The following NAV2 variants were observed in gnomAD, a reference collection of about 807,000 sequenced individuals.
NAV2 encodes helicase, APC down-regulated 1.
Under a neutral mutation model 223.2 loss-of-function variants are expected in NAV2, and 54 were observed. The observed-to-expected ratio is 0.24, with a 90% CI of 0.19 to 0.30. NAV2 has a LOEUF of 0.30. Among genes scored for constraint, NAV2 ranks in the 10% least tolerant of loss-of-function variants. The probability of loss-of-function intolerance (pLI) is 1.00; values close to 1 mark genes in which losing one functional copy is unlikely to be tolerated. For synonymous variants in NAV2, 1,279 were observed against 1,239.3 expected, an observed-to-expected ratio of 1.03 and a Z score of -0.67; for missense variants, 2,806 against 3,147.5, an observed-to-expected ratio of 0.89 and a Z score of 2.60.
rs139647874 is a variant in NAV2, at chr11:19,432,647, G to A, written c.75+81620G>A. 1.5e-4 allele frequency among the ~76,000 whole-genome samples: 23 copies of A among 152,268 alleles called. No homozygotes were observed. The East Asian group carries it at 4.1e-3, about 27-fold the overall frequency. ...AGTGGGGGAGTGGGTGGTATGGAGAGCAGCAGAAGTCAACCAGGAAGGAGC... is the reference window on the plus strand; with the variant it reads ...AGTGGGGGAGTGGGTGGTATGGAGAACAGCAGAAGTCAACCAGGAAGGAGC... On this transcript the variant is annotated intron_variant, in intron 1 of 37. Coordinates refer to the NAV2 transcript ENST00000360655.
intron 4 of NAV2, among the ~76,000 whole-genome samples, chr11:19,870,393 C>T (rs969392486): frequency 4.6e-5 from 7 of 152,138 alleles, no homozygotes; most frequent in Non-Finnish European, 8.8e-5. Flanking sequence ...GCTTGAACTC[C>T]TGGGACAGGC....
intron 6 of NAV2, among the ~76,000 whole-genome samples, chr11:19,917,480 A>C (rs866203451): frequency 1.3e-5 from 2 of 152,080 alleles, no homozygotes; most frequent in Admixed American, 6.5e-5. Context: ...GAATTATTCT[A>C]CTAGAGACAA....
rs140731279 is a variant in NAV2 at position 19,933,336 on chromosome 11, C to A, written c.1092C>A (p.Ser364Arg). 2 of 1,611,642 alleles carry A rather than the reference C, an allele frequency of 1.2e-6. No individual in the cohort carries two copies. Among genetic ancestry groups the A allele is most frequent in the African/African-American group, 1.3e-5 (1 of 74,844 alleles). The part of the protein sequence containing the change: ...ATKPWRSKSL[S>R]VKHSATVSML... ...AGCCTTGGCGCAGCAAATCCCTCAG[C>A]GTGAAGCACAGTGCCACGGTATCCA... is the stretch of plus-strand genomic sequence containing the variant. Residue 364 changes from serine to arginine, a missense_variant, in exon 7 of 38, where the codon AGC becomes AGA. This residue lies in a region of NAV2 where 1,167 missense variants were observed against 1,180.5 expected (regional missense o/e 0.99). Coordinates refer to ENST00000349880, the MANE Select transcript of NAV2 (RefSeq NM_145117.5). This position sits in a 1 kb window ranked among gnomAD's most constrained non-coding sequence, Gnocchi z 4.3.
Position 19,784,053 on chromosome 11 carries a change from G to A in NAV2, c.268-48431G>A, listed in dbSNP as rs571434148. Among the ~76,000 whole-genome samples, 11 of 152,244 alleles carry A rather than the reference G, an allele frequency of 7.2e-5. No homozygotes were observed. In the South Asian group the frequency reaches 1.9e-3, roughly 26 times the overall value. Reference sequence around the variant, plus strand: ...AAAATATAGCAGGGTGAGAAGGATAGGGAGGAATGGTGGAGGTTACCTTTA... The same window carrying A: ...AAAATATAGCAGGGTGAGAAGGATAAGGAGGAATGGTGGAGGTTACCTTTA... On this transcript the variant is annotated intron_variant, in intron 1 of 37. Coordinates refer to ENST00000349880, the MANE Select transcript of NAV2 (RefSeq NM_145117.5).
intron 1 of NAV2, among the ~76,000 whole-genome samples, chr11:19,412,770 A>G (rs376483016): frequency 2.8e-4 from 43 of 152,182 alleles, no homozygotes; most frequent in Non-Finnish European, 5.1e-4. Context: ...TGCTGGTGAT[A>G]CCCTGGCAAA....
At chr11:19,787,062 T>C (rs1026641917) in intron 1 of NAV2, among the ~76,000 whole-genome samples, 2 of 152,044 alleles carry the variant, frequency 1.3e-5, no homozygotes, top group Non-Finnish European at 2.9e-5. Context: ...AACTGTATGA[T>C]AACCACTCTG....
chr11:19,786,823 C>A (rs187336346), intron 1 of NAV2, among the ~76,000 whole-genome samples: 1 of 152,208 alleles, frequency 6.6e-6, no homozygotes, highest in African/African-American at 2.4e-5. Flanking sequence ...TACAAATTAC[C>A]CAGCAAGAAC....
chr11:20,077,667 A>T, intron 23 of NAV2, 32 bp downstream of exon 23: 2 of 1,526,220 alleles, frequency 1.3e-6, no homozygotes, highest in Non-Finnish European at 1.8e-6. Context: ...AACCCTCCCT[A>T]CTTGGAGTTA....
chr11:19,546,259 G>A (rs2044495445), intron 1 of NAV2, among the ~76,000 whole-genome samples: 1 of 152,230 alleles, frequency 6.6e-6, no homozygotes, highest in Admixed American at 6.5e-5. Flanking sequence ...GATGGCAGAG[G>A]AGACTTGAAC....
chr11:19,592,740 G>A (rs1161277631), intron 1 of NAV2, among the ~76,000 whole-genome samples: 3 of 152,100 alleles, frequency 2.0e-5, no homozygotes, highest in African/African-American at 7.2e-5. Flanking sequence ...CTTGTATGAA[G>A]TAACAATGAA....
intron 23 of NAV2, 62 bp downstream of exon 23, chr11:20,077,697 T>A (rs1592020090): frequency 7.8e-7 from 1 of 1,283,654 alleles, no homozygotes; most frequent in African/African-American, 1.5e-5. Context: ...TTGAAAATAC[T>A]ATTCTTTCAT....
At chr11:19,628,243 T>C (rs531237180) in intron 1 of NAV2, among the ~76,000 whole-genome samples, 1 of 152,304 alleles carries the variant, frequency 6.6e-6, no homozygotes, top group South Asian at 2.1e-4. Context: ...GTGGACATTA[T>C]GTTCCTTCCC....
intron 15 of NAV2, chr11:20,049,402 G>A (rs2057761407): frequency 1.8e-6 from 1 of 562,652 alleles, no homozygotes; most frequent in Admixed American, 3.4e-5. Context: ...GGTTATTTTT[G>A]GTGCTTGGAG....
In NAV2 at chr11:20,044,061, A is replaced by G; in HGVS notation, c.2988A>G (p.Ser996=). The G allele has an allele frequency of 6.2e-7, 1 of 1,614,220 alleles. No individual in the cohort carries two copies. The highest frequency in any genetic ancestry group is 8.5e-7 in the Non-Finnish European group (1 of 1,180,030). ...GDDVKKSDGG[S]DSGIKMEPGS... ...ATGTCAAGAAATCAGACGGAGGCTC[A>G]GACAGCGGCATAAAAATGGAGCCAG... is the stretch of plus-strand genomic sequence containing the variant. Residue 996 remains serine (S), a synonymous_variant, in exon 13 of 38, where the codon TCA becomes TCG. Transcript: ENST00000349880.
chr11:19,782,743 A>G (rs2056838746), intron 1 of NAV2, among the ~76,000 whole-genome samples: 1 of 152,162 alleles, frequency 6.6e-6, no homozygotes, highest in Admixed American at 6.5e-5. Context: ...TGCTGTTTCT[A>G]ATATAAGAGC....
At chr11:19,941,291 T>G (rs2046382701) in intron 8 of NAV2, among the ~76,000 whole-genome samples, 2 of 152,030 alleles carry the variant, frequency 1.3e-5, no homozygotes, top group Non-Finnish European at 2.9e-5. Flanking sequence ...GAAGAGACTG[T>G]GCAGCCAGTA....
intron 11 of NAV2, among the ~76,000 whole-genome samples, chr11:20,027,954 C>T (rs1420310717): frequency 1.7e-4 from 26 of 152,200 alleles, no homozygotes; most frequent in Admixed American, 1.6e-3. Flanking sequence ...TTTTTTGCTT[C>T]ATGAGAGATG....
intron 11 of NAV2, among the ~76,000 whole-genome samples, chr11:19,995,013 A>G (rs7111951): frequency 0.83 from 125,555 of 152,170 alleles, 52,448 homozygotes; most frequent in Non-Finnish European, 0.88. Context: ...GAAGGCACAC[A>G]TTATTTATTT....
intron 1 of NAV2, among the ~76,000 whole-genome samples, chr11:19,657,782 T>G (rs1437903922): frequency 6.6e-6 from 1 of 152,018 alleles, no homozygotes; most frequent in Non-Finnish European, 1.5e-5. Flanking sequence ...AAGAGCTCAG[T>G]CTTGAGAGGA....
Sources: allele counts gnomAD v4.1 joint callset (sites outside exome capture counted in the v4.1 genomes callset), GRCh38; gene constraint gnomAD v4.1.1; regional missense constraint gnomAD v4.1.1; non-coding constraint Gnocchi (gnomAD v3.1); transcripts MANE v1.5; gene names NCBI Gene and HGNC (gene_info 2026-07-23, HGNC 2026-07-21).